The following SAMMSON variants were observed in gnomAD, a reference collection of about 807,000 sequenced individuals.
SAMMSON encodes the protein survival associated mitochondrial melanoma specific oncogenic non-coding RNA, also known as long intergenic non-protein coding RNA 1212.
intron 4 of SAMMSON, among the ~76,000 whole-genome samples, chr3:70,177,862 G>A (rs1468619566): frequency 6.6e-6 from 1 of 152,136 alleles, no homozygotes; most frequent in Non-Finnish European, 1.5e-5. Context: ...TTAGTGTAAG[G>A]AGATCCTTAT....
At chr3:70,229,951 A>G (rs1701542785) in intron 4 of SAMMSON, among the ~76,000 whole-genome samples, 1 of 152,212 alleles carries the variant, frequency 6.6e-6, no homozygotes, top group African/African-American at 2.4e-5. Context: ...TTATAATGAT[A>G]CAAATATTTA....
chr3:70,003,518 CTT>C (rs2066914099), intron 1 of SAMMSON, among the ~76,000 whole-genome samples: 1 of 151,668 alleles, frequency 6.6e-6, no homozygotes. Flanking sequence ...TTAAATCTAT[CTT>C]TGACATATCA....
intron 6 of SAMMSON, among the ~76,000 whole-genome samples, chr3:70,276,814 T>C (rs138849346): frequency 1.6e-4 from 25 of 152,300 alleles, no homozygotes; most frequent in African/African-American, 5.5e-4. Flanking sequence ...GCCAGAAATA[T>C]TTACTATCTG....
At chr3:70,291,380 A>G (rs1307671669) in intron 7 of SAMMSON, 2 of 152,204 alleles carry the variant, frequency 1.3e-5, no homozygotes, top group Non-Finnish European at 2.9e-5. Flanking sequence ...GAATACTGTT[A>G]TCATTACGAT....
intron 4 of SAMMSON, among the ~76,000 whole-genome samples, chr3:70,175,044 G>T (rs530833740): frequency 7.9e-5 from 12 of 152,140 alleles, no homozygotes; most frequent in African/African-American, 2.9e-4. Flanking sequence ...TATTCGATTG[G>T]CTTAAGTAAT....
chr3:70,245,089 T>C (rs531890661), intron 4 of SAMMSON, among the ~76,000 whole-genome samples: 30 of 152,292 alleles, frequency 2.0e-4, no homozygotes, highest in Non-Finnish European at 3.8e-4. Context: ...GGAGAAGTCA[T>C]TACTAGAAAC....
chr3:70,345,379 G>T (rs1000357851), intron 7 of SAMMSON, among the ~76,000 whole-genome samples: 1 of 152,106 alleles, frequency 6.6e-6, no homozygotes, highest in Non-Finnish European at 1.5e-5. Context: ...GTGTTACTTA[G>T]ATCAGAACCT....
At chr3:70,002,952 A>C (rs932573657) in intron 1 of SAMMSON, among the ~76,000 whole-genome samples, 1 of 152,174 alleles carries the variant, frequency 6.6e-6, no homozygotes, top group African/African-American at 2.4e-5. Flanking sequence ...AATAGATGTT[A>C]AAATATCCTA....
intron 1 of SAMMSON, among the ~76,000 whole-genome samples, chr3:70,003,193 A>C (rs9826811): frequency 0.46 from 69,849 of 151,184 alleles, 17,175 homozygotes; most frequent in East Asian, 0.64. Context: ...ATGTATTTTT[A>C]CTCTTTTTAA....
chr3:70,316,369 C>T (rs916021076), intron 7 of SAMMSON, among the ~76,000 whole-genome samples: 11 of 151,978 alleles, frequency 7.2e-5, no homozygotes, highest in Admixed American at 2.0e-4. Context: ...TTAATCAATG[C>T]GTAGGTATGT....
intron 3 of SAMMSON, among the ~76,000 whole-genome samples, chr3:70,018,433 G>T (rs1394485754): frequency 1.1e-3 from 169 of 151,706 alleles, no homozygotes; most frequent in East Asian, 1.9e-3. Flanking sequence ...GATATCCCCT[G>T]TATCATTTTT....
At chr3:70,327,772 G>T (rs1702589814) in intron 7 of SAMMSON, among the ~76,000 whole-genome samples, 1 of 152,116 alleles carries the variant, frequency 6.6e-6, no homozygotes, top group South Asian at 2.1e-4. Flanking sequence ...CTTTGAATCA[G>T]CCTAATCGAG....
intron 7 of SAMMSON, among the ~76,000 whole-genome samples, chr3:70,348,737 G>A (rs576244547): frequency 6.6e-6 from 1 of 152,234 alleles, no homozygotes; most frequent in South Asian, 2.1e-4. Context: ...ATAACTAAGA[G>A]GTGAGAAGTG....
intron 2 of SAMMSON, among the ~76,000 whole-genome samples, chr3:70,413,896 C>A (rs1701242050): frequency 6.6e-6 from 1 of 152,012 alleles, no homozygotes. Flanking sequence ...CCTTTTGTTA[C>A]CTTTACAGTC....
chr3:70,282,463 G>A (rs1702096083), intron 6 of SAMMSON, among the ~76,000 whole-genome samples: 2 of 152,182 alleles, frequency 1.3e-5, no homozygotes, highest in African/African-American at 4.8e-5. Flanking sequence ...GTCATATCAT[G>A]GCCTGCAAGG....
intron 3 of SAMMSON, among the ~76,000 whole-genome samples, chr3:70,034,569 C>T (rs34313089): frequency 0.058 from 8,780 of 152,218 alleles, 354 homozygotes; most frequent in South Asian, 0.13. Context: ...TTCTGCCAGG[C>T]GTGGTGGCTC....
chr3:70,080,692 G>GT (rs35434435), intron 4 of SAMMSON, among the ~76,000 whole-genome samples: 5,067 of 139,282 alleles, frequency 0.036, 264 homozygotes, highest in African/African-American at 0.12. Context: ...CCCTGACTCC[G>GT]TTTTTTTTTT....
chr3:70,136,385 A>G (rs996825592), intron 4 of SAMMSON, among the ~76,000 whole-genome samples: 1 of 152,148 alleles, frequency 6.6e-6, no homozygotes, highest in Non-Finnish European at 1.5e-5. Flanking sequence ...CATTGAGTGG[A>G]TCTATGGAGG....
chr3:70,321,482 T>C lies in SAMMSON; in HGVS notation n.739+30239T>C, dbSNP rs548523165. Among the ~76,000 whole-genome samples, 67 of 152,204 alleles carry C rather than the reference T, an allele frequency of 4.4e-4. 1 individual carries two copies. In the South Asian group the frequency reaches 0.013, roughly 29 times the overall value. On this transcript the variant is annotated intron_variant and non_coding_transcript_variant, in intron 7 of 9. Coordinates refer to ENST00000642114, the Ensembl canonical transcript of SAMMSON. ...AATATACTACAATTTTGTCATCCAT[T>C]CCCGTTAATGGATATTTGGGTGGTT...
Sources: gnomAD v4.1 joint callset for allele counts (sites outside exome capture counted in the v4.1 genomes callset) on GRCh38, gnomAD v4.1.1 for gene constraint, MANE v1.5 for transcripts, NCBI Gene and HGNC (gene_info 2026-07-23, HGNC 2026-07-21) for gene names.